The following DNAJC6 variants were observed in gnomAD, a reference collection of about 807,000 sequenced individuals.
DNAJC6 encodes the protein auxilin.
A neutral mutation model predicts 110.0 loss-of-function variants in DNAJC6; 34 were observed. That is an observed-to-expected ratio of 0.31 (90% confidence interval 0.24 to 0.41). The LOEUF is 0.41. DNAJC6 is among the 10% of genes least tolerant of loss of function. DNAJC6 has a pLI of 1.00. For missense variants in DNAJC6, 1,031 were observed against 1,207.8 expected (o/e 0.85, Z 2.17); for synonymous variants, 406 against 437.2 (o/e 0.93, Z 0.89).
intron 12 of DNAJC6, among the ~76,000 whole-genome samples, chr1:65,393,558 G>A (rs1329697210): frequency 2.0e-5 from 3 of 152,208 alleles, no homozygotes; most frequent in African/African-American, 7.2e-5. Context: ...TAGGTAAGGA[G>A]TTTGAGCCCC....
At chr1:65,395,134 A>C in intron 13 of DNAJC6, 102 bp downstream of exon 13, 1 of 1,237,690 alleles carries the variant, frequency 8.1e-7, no homozygotes, top group Non-Finnish European at 1.1e-6. Context: ...TTTTTGATAA[A>C]AGCTTCCTCA....
At chr1:65,380,921 G>GTTTTT (rs1162044500) in intron 5 of DNAJC6, among the ~76,000 whole-genome samples, 13 of 99,344 alleles carry the variant, frequency 1.3e-4, no homozygotes, top group Non-Finnish European at 1.9e-4. Context: ...GTTTTGTTTT[G>GTTTTT]TTTTTTTTTT....
rs184248488 is a variant in DNAJC6 at position 65,336,754 on chromosome 1, C to T, written c.193+26816C>T. On this transcript the variant is annotated intron_variant, in intron 1 of 18. Coordinates refer to ENST00000371069, the MANE Select transcript of DNAJC6 (RefSeq NM_001256864.2). Reference sequence around the variant, plus strand: ...TGGAGTGAGAACCTGCTCAATCAGTCAATCAGTCAATAAAGGGCTCCTTTT... The same window carrying T: ...TGGAGTGAGAACCTGCTCAATCAGTTAATCAGTCAATAAAGGGCTCCTTTT... Among the ~76,000 whole-genome samples the T allele has an allele frequency of 2.5e-3, 381 of 152,282 alleles. 2 individuals are homozygous for T. Among genetic ancestry groups the T allele is most frequent in the Admixed American group, 0.019 (288 of 15,296 alleles).
At position 65,394,982 on chromosome 1, in the gene DNAJC6, C is replaced by T; in HGVS notation, c.1988C>T (p.Ser663Phe). ...TCTTTTCTGAACACATCCAGTGCTT[C>T]CAGTGACCCCTTTCTCCAGCCAACA... ...LGSFLNTSSA[S>F]SDPFLQPTRS... The change falls in exon 13 of 19, where the codon TCC becomes TTC. Residue 663 changes from serine (S) to phenylalanine (F), a missense_variant. Physicochemically the swap from Ser to Phe is radical, Grantham distance 155. Coordinates refer to ENST00000371069, the MANE Select transcript of DNAJC6 (RefSeq NM_001256864.2). 2 of 1,612,446 alleles carry T rather than the reference C, an allele frequency of 1.2e-6. No homozygotes were observed. Among genetic ancestry groups the T allele is most frequent in the Non-Finnish European group, 1.7e-6 (2 of 1,179,484 alleles).
intron 2 of DNAJC6, among the ~76,000 whole-genome samples, chr1:65,365,202 C>T (rs867957281): frequency 3.3e-5 from 5 of 152,112 alleles, no homozygotes; most frequent in East Asian, 3.9e-4. Context: ...GCATTACCTA[C>T]GGATTGTAAT....
At chr1:65,359,834 T>G (rs1435641646) in intron 1 of DNAJC6, among the ~76,000 whole-genome samples, 1 of 152,238 alleles carries the variant, frequency 6.6e-6, no homozygotes, top group African/African-American at 2.4e-5. Flanking sequence ...ATAGGCAAGA[T>G]GTAAACACAT....
chr1:65,293,892 G>A (rs1463268857), intron 1 of DNAJC6, among the ~76,000 whole-genome samples: 1 of 152,032 alleles, frequency 6.6e-6, no homozygotes, highest in Admixed American at 6.6e-5. Flanking sequence ...ATTTTCCCAG[G>A]TATTAAATTT....
At chr1:65,268,929 G>T (rs1653420271) in intron 1 of DNAJC6, among the ~76,000 whole-genome samples, 1 of 152,040 alleles carries the variant, frequency 6.6e-6, no homozygotes, top group African/African-American at 2.4e-5. Flanking sequence ...GAAAATTTGG[G>T]TGAATTTTTT....
intron 4 of DNAJC6, among the ~76,000 whole-genome samples, chr1:65,367,820 A>G (rs531088474): frequency 1.0e-3 from 158 of 152,044 alleles, no homozygotes; most frequent in African/African-American, 3.6e-3. Context: ...CAGAGATTAC[A>G]TATTAAACAC....
chr1:65,298,468 A>G (rs945718846), intron 1 of DNAJC6, among the ~76,000 whole-genome samples: 1 of 152,182 alleles, frequency 6.6e-6, no homozygotes, highest in Non-Finnish European at 1.5e-5. Flanking sequence ...AGCAGGTGGA[A>G]TGGTACTTTG....
At chr1:65,329,275 T>C (rs1398233463) in intron 1 of DNAJC6, among the ~76,000 whole-genome samples, 4 of 152,162 alleles carry the variant, frequency 2.6e-5, no homozygotes, top group African/African-American at 4.8e-5. Flanking sequence ...TCTTCTGAGC[T>C]TGTCACATTT....
intron 1 of DNAJC6, among the ~76,000 whole-genome samples, chr1:65,275,981 T>C (rs1439158881): frequency 6.6e-6 from 1 of 150,902 alleles, no homozygotes; most frequent in Non-Finnish European, 1.5e-5. Context: ...TTTCACCTCC[T>C]GGGTTCAAGC....
Position 65,271,935 on chromosome 1 carries a change from C to G in DNAJC6, c.-131+7003C>G, listed in dbSNP as rs536218673. Reference sequence around the variant, plus strand: ...TGTTGACCTTATTTCAGTGACCTTGCTAAATTCACTTATTAATTTCAATAG... The same window carrying G: ...TGTTGACCTTATTTCAGTGACCTTGGTAAATTCACTTATTAATTTCAATAG... On this transcript the variant is annotated intron_variant, in intron 1 of 19. Coordinates refer to the DNAJC6 transcript ENST00000263441. Among the ~76,000 whole-genome samples, 6 of 151,314 alleles carry G rather than the reference C, an allele frequency of 4.0e-5. No homozygotes were observed. The South Asian group carries it at 1.3e-3, about 32-fold the overall frequency.
intron 14 of DNAJC6, among the ~76,000 whole-genome samples, chr1:65,401,499 G>A (rs1251074754): frequency 6.6e-6 from 1 of 152,098 alleles, no homozygotes; most frequent in African/African-American, 2.4e-5. Context: ...GGTGACATGA[G>A]GACCTGGAAA....
intron 14 of DNAJC6, among the ~76,000 whole-genome samples, chr1:65,401,149 T>C (rs1000007950): frequency 6.6e-6 from 1 of 152,240 alleles, no homozygotes; most frequent in Non-Finnish European, 1.5e-5. Context: ...TGTTTTCTTC[T>C]GGTAATTCCA....
intron 1 of DNAJC6, among the ~76,000 whole-genome samples, chr1:65,345,285 C>T (rs1645427005): frequency 6.6e-6 from 1 of 151,344 alleles, no homozygotes; most frequent in African/African-American, 2.4e-5. Context: ...CCATTAGGAT[C>T]TCCTCCACTT....
chr1:65,374,356 T>C (rs1249657738), intron 4 of DNAJC6, among the ~76,000 whole-genome samples: 2 of 152,222 alleles, frequency 1.3e-5, no homozygotes, highest in Admixed American at 6.5e-5. Flanking sequence ...ATTGAATCTG[T>C]ACATTGCTTT....
At chr1:65,380,921 G>GTTTTTTTTTTTTTTTTTTTTTTT (rs1162044500) in intron 5 of DNAJC6, among the ~76,000 whole-genome samples, 1 of 99,356 alleles carries the variant, frequency 1.0e-5, no homozygotes, top group African/African-American at 5.4e-5. Context: ...GTTTTGTTTT[G>GTTTTTTTTTTTTTTTTTTTTTTT]TTTTTTTTTT....
At chr1:65,410,386 G>C (rs1016908631) in intron 17 of DNAJC6, among the ~76,000 whole-genome samples, 1 of 152,170 alleles carries the variant, frequency 6.6e-6, no homozygotes, top group African/African-American at 2.4e-5. Flanking sequence ...TGTCACAGAA[G>C]CTTAATATTT....
Sources: gnomAD v4.1 joint callset for allele counts (sites outside exome capture counted in the v4.1 genomes callset) on GRCh38, gnomAD v4.1.1 for gene constraint, MANE v1.5 for transcripts, NCBI Gene and HGNC (gene_info 2026-07-23, HGNC 2026-07-21) for gene names.